The following RXRA variants were observed in gnomAD, a reference collection of about 807,000 sequenced individuals.
RXRA encodes the protein retinoic acid receptor RXR-alpha.
Under a neutral mutation model 44.5 loss-of-function variants are expected in RXRA, and 5 were observed. The observed-to-expected ratio is 0.11, with a 90% CI of 0.06 to 0.24. The LOEUF (loss-of-function observed/expected upper bound fraction) is 0.24, where lower values mean the gene tolerates loss of function less well. Among genes scored for constraint, RXRA ranks in the 10% least tolerant of loss-of-function variants. RXRA has a pLI of 1.00. For synonymous variants in RXRA, 291 were observed against 271.4 expected (o/e 1.07, Z -0.71); for missense variants, 412 against 646.5 (o/e 0.64, Z 3.93).
chr9:134,380,023 C>G (rs933641007), intron 1 of RXRA: 1 of 985,280 alleles, frequency 1.0e-6, no homozygotes, highest in African/African-American at 1.7e-5. Flanking sequence ...AGCAGGGGCT[C>G]CCTTTTCTGT....
intron 2 of RXRA, chr9:134,402,330 A>T (rs971725629): frequency 5.9e-6 from 1 of 168,750 alleles, no homozygotes; most frequent in African/African-American, 2.4e-5. Context: ...GGCTCAGGGC[A>T]GCTGCGTCCC....
intron 1 of RXRA, among the ~76,000 whole-genome samples, chr9:134,339,539 G>T (rs10122191): frequency 3.7e-4 from 56 of 150,286 alleles, no homozygotes; most frequent in Admixed American, 1.7e-3. Flanking sequence ...GTGTGAGCCC[G>T]TGTGTGTGTG....
intron 6 of RXRA, chr9:134,422,760 C>G: frequency 1.0e-6 from 1 of 985,474 alleles, no homozygotes; most frequent in Non-Finnish European, 1.2e-6. Flanking sequence ...TCCCTCCATC[C>G]CTCATAAGGA....
chr9:134,377,615 G>T (rs1020951940), intron 1 of RXRA, among the ~76,000 whole-genome samples: 6 of 152,182 alleles, frequency 3.9e-5, no homozygotes, highest in African/African-American at 4.8e-5. Flanking sequence ...TTCCCTCTCC[G>T]GGACCACTTC....
chr9:134,436,385 C>G (rs1831620939), intron 9 of RXRA, 82 bp from the exon 10 acceptor site: 1 of 1,422,930 alleles, frequency 7.0e-7, no homozygotes, highest in African/African-American at 1.4e-5. Context: ...CAGACACAGC[C>G]CCATCCCCAG....
intron 5 of RXRA, among the ~76,000 whole-genome samples, chr9:134,420,582 G>A (rs535039788): frequency 2.6e-5 from 4 of 152,262 alleles, no homozygotes; most frequent in South Asian, 2.1e-4. Context: ...CGGGCGCTGC[G>A]TTTAGGCTGC....
chr9:134,436,097 C>A (rs546953879), intron 9 of RXRA, among the ~76,000 whole-genome samples: 1 of 152,240 alleles, frequency 6.6e-6, no homozygotes, highest in Non-Finnish European at 1.5e-5. Flanking sequence ...CCTCCCACCT[C>A]GGCCTCTCAA....
At chr9:134,336,564 T>C (rs1167443745) in intron 1 of RXRA, among the ~76,000 whole-genome samples, 1 of 152,114 alleles carries the variant, frequency 6.6e-6, no homozygotes, top group Admixed American at 6.5e-5. Flanking sequence ...GCCGGAGCCT[T>C]GGTGGATGTC....
intron 1 of RXRA, chr9:134,379,585 G>GT (rs1013374037): frequency 8.1e-6 from 8 of 985,320 alleles, no homozygotes; most frequent in Non-Finnish European, 9.6e-6. Context: ...CAGGCCTTGG[G>GT]TGATGCTCCT....
rs1437073015 is a variant in RXRA, at chr9:134,426,384, C to T, written c.911-2724C>T. 7.8e-5 allele frequency: 77 copies of T among 985,270 alleles called. No individual in the cohort carries two copies. The highest frequency in any genetic ancestry group is 1.2e-4 in the Admixed American group (2 of 16,260). The allele number at this position is 985,270 out of a possible 1,614,324, so 61.0% of individuals were successfully genotyped here. A position where few individuals can be genotyped will look rare whatever the true frequency, so the allele number is the denominator to read the frequency against. ...TCCTCTCCTATTTTTCTCTTACATC[C>T]GAGAAGGAGGAGGGCAGCTTACAAA... On this transcript the variant is annotated intron_variant, in intron 6 of 9. Coordinates refer to ENST00000481739, the MANE Select transcript of RXRA (RefSeq NM_002957.6). The surrounding 1 kb of genome is among the most constrained non-coding windows in gnomAD (Gnocchi z 4.6).
At chr9:134,414,269 A>G (rs1392761668) in intron 4 of RXRA, among the ~76,000 whole-genome samples, 2 of 152,252 alleles carry the variant, frequency 1.3e-5, no homozygotes, top group Non-Finnish European at 1.5e-5. Flanking sequence ...CCTGGGGAGA[A>G]CTGGCAGCAA....
intron 6 of RXRA, chr9:134,423,001 C>T (rs867542185): frequency 1.1e-5 from 11 of 985,384 alleles, no homozygotes; most frequent in African/African-American, 5.2e-5. Flanking sequence ...TCACACTCCC[C>T]GTGATGCCAT....
At chr9:134,413,391 C>T (rs35900126) in intron 4 of RXRA, among the ~76,000 whole-genome samples, 2,516 of 152,040 alleles carry the variant, frequency 0.017, 74 homozygotes, top group African/African-American at 0.057. Context: ...TTTGTGTGCA[C>T]GTGTGTGTGC....
At chr9:134,370,435 A>G (rs1176436976) in intron 1 of RXRA, among the ~76,000 whole-genome samples, 1 of 152,116 alleles carries the variant, frequency 6.6e-6, no homozygotes, top group Non-Finnish European at 1.5e-5. Flanking sequence ...GGGACCCCAC[A>G]TTACTTTCTT....
intron 4 of RXRA, among the ~76,000 whole-genome samples, chr9:134,415,387 C>T (rs34247869): frequency 0.11 from 14,786 of 139,630 alleles, 2,362 homozygotes; most frequent in African/African-American, 0.35. Flanking sequence ...CGGCTGACAC[C>T]GTGGCGGGTA....
intron 9 of RXRA, among the ~76,000 whole-genome samples, chr9:134,434,635 C>T (rs929947137): frequency 5.3e-5 from 8 of 152,236 alleles, no homozygotes; most frequent in Admixed American, 2.6e-4. Flanking sequence ...ACGGAATAGG[C>T]GGTCACGGCC....
intron 3 of RXRA, among the ~76,000 whole-genome samples, 197 bp from the exon 4 acceptor site, chr9:134,408,743 C>T (rs569249910): frequency 6.6e-6 from 1 of 152,304 alleles, no homozygotes; most frequent in South Asian, 2.1e-4. Context: ...TTTGTCCCTG[C>T]CCCACTCCTA....
At chr9:134,326,728 G>A in intron 1 of RXRA, 69 bp downstream of exon 1, 1 of 321,950 alleles carries the variant, frequency 3.1e-6, no homozygotes, top group South Asian at 1.1e-4. Flanking sequence ...AGGGGGCCGG[G>A]GGCGCGTTGG....
intron 7 of RXRA, among the ~76,000 whole-genome samples, chr9:134,430,653 CTGCAGGG>C (rs1179182722): frequency 6.6e-6 from 1 of 152,166 alleles, no homozygotes; most frequent in African/African-American, 2.4e-5. Context: ...CCCACGGGGG[CTGCAGGG>C]TGCAGTGTGC....
Sources: gnomAD v4.1 joint callset for allele counts (sites outside exome capture counted in the v4.1 genomes callset) on GRCh38, gnomAD v4.1.1 for gene constraint, Gnocchi (gnomAD v3.1) non-coding constraint, MANE v1.5 for transcripts, NCBI Gene and HGNC (gene_info 2026-07-23, HGNC 2026-07-21) for gene names.